The following COMMD1 variants were observed in gnomAD, a reference collection of about 807,000 sequenced individuals.
COMMD1 encodes copper metabolism domain containing 1, also known as COMM domain-containing protein 1.
In COMMD1, 10 loss-of-function variants were observed where a neutral mutation model predicts 17.2. The ratio of observed to expected loss-of-function variants is 0.58; its 90% CI spans 0.36 to 0.99. The LOEUF (loss-of-function observed/expected upper bound fraction) is 0.99, where lower values mean the gene tolerates loss of function less well. Ranked by LOEUF, COMMD1 falls within the 50% of genes least tolerant of loss-of-function variation. COMMD1 has a pLI of 0.01. For missense variants in COMMD1, 270 were observed against 231.8 expected (o/e 1.17, Z -1.07); for synonymous variants, 97 against 91.6 (o/e 1.06, Z -0.34).
chr2:62,046,006 G>A (rs1670374360), intron 2 of COMMD1, among the ~76,000 whole-genome samples: 1 of 152,102 alleles, frequency 6.6e-6, no homozygotes, highest in Non-Finnish European at 1.5e-5. Context: ...CAAAGTGCTG[G>A]GATTCCAGGC....
intron 2 of COMMD1, among the ~76,000 whole-genome samples, chr2:62,098,272 C>G (rs995428442): frequency 6.6e-6 from 1 of 151,504 alleles, no homozygotes; most frequent in Non-Finnish European, 1.5e-5. Flanking sequence ...GATTCTCCTG[C>G]CTCAGCCTCC....
At chr2:62,033,379 G>C (rs530329550) in intron 2 of COMMD1, among the ~76,000 whole-genome samples, 1 of 152,318 alleles carries the variant, frequency 6.6e-6, no homozygotes, top group Non-Finnish European at 1.5e-5. Context: ...ACAAAGGCAA[G>C]TCTGAAATAT....
At chr2:61,996,061 C>G (rs1668746734) in intron 1 of COMMD1, among the ~76,000 whole-genome samples, 1 of 152,084 alleles carries the variant, frequency 6.6e-6, no homozygotes, top group Non-Finnish European at 1.5e-5. Context: ...AGTATACATA[C>G]TTTAATTAAG....
At chr2:62,029,524 T>C (rs1009160139) in intron 2 of COMMD1, among the ~76,000 whole-genome samples, 2 of 152,252 alleles carry the variant, frequency 1.3e-5, no homozygotes, top group South Asian at 2.1e-4. Flanking sequence ...TTTTCATCTA[T>C]ATTTCTTTGC....
rs558242270 is a variant in COMMD1, at chr2:61,966,678, A to G, written c.181-34023A>G. Among the ~76,000 whole-genome samples the G allele has an allele frequency of 2.0e-5, 3 of 152,162 alleles. No individual in the cohort carries two copies. The East Asian group carries it at 5.8e-4, about 30-fold the overall frequency. ...GACTAATTACACAGACTTGTGAGAA[A>G]TGAAGTTGCCTATCTACTCCATAAC... On this transcript the variant is annotated intron_variant, in intron 1 of 2. Transcript: ENST00000311832.
intron 1 of COMMD1, among the ~76,000 whole-genome samples, chr2:61,951,476 AT>A (rs1270726404): frequency 2.0e-5 from 3 of 151,600 alleles, no homozygotes; most frequent in African/African-American, 7.3e-5. Context: ...AAAAAAAAAA[AT>A]CTTTCTGCAT....
At position 62,121,371 on chromosome 2, in the gene COMMD1, C is replaced by CAAAAAAAAAAA. The variant is rs55789110; in HGVS notation, c.463-14444_463-14434dup. On this transcript the variant is annotated intron_variant, in intron 2 of 2. Coordinates refer to ENST00000311832, the MANE Select transcript of COMMD1 (RefSeq NM_152516.4). ...GGCAACAGAGTGAGAGACTCTTTCTCAAAAAAAAAAAAAAAAAAAAAAAAA... is the reference window on the plus strand; with the variant it reads ...GGCAACAGAGTGAGAGACTCTTTCTCAAAAAAAAAAAAAAAAAAAAAAAAAAAAAAAAAAAA... 3.6e-3 allele frequency among the ~76,000 whole-genome samples: 169 copies of CAAAAAAAAAAA among 47,204 alleles called. 3 individuals are homozygous for CAAAAAAAAAAA. The highest frequency in any genetic ancestry group is 6.0e-3 in the African/African-American group (65 of 10,750). The allele number at this position is 47,204 out of a possible 152,430, so 31.0% of individuals were successfully genotyped here.
At chr2:62,061,898 T>G (rs936912283) in intron 2 of COMMD1, among the ~76,000 whole-genome samples, 1 of 151,048 alleles carries the variant, frequency 6.6e-6, no homozygotes, top group Non-Finnish European at 1.5e-5. Flanking sequence ...TAAATTTAGC[T>G]CCTTCAAAGC....
intron 1 of COMMD1, among the ~76,000 whole-genome samples, chr2:61,963,200 C>G (rs971310331): frequency 6.9e-6 from 1 of 144,272 alleles, no homozygotes; most frequent in Non-Finnish European, 1.5e-5. Flanking sequence ...TACACACACA[C>G]ACACACACAC....
intron 1 of COMMD1, among the ~76,000 whole-genome samples, chr2:61,948,981 G>A (rs1670983947): frequency 6.6e-6 from 1 of 152,178 alleles, no homozygotes; most frequent in Admixed American, 6.5e-5. Flanking sequence ...AGAAGCCATT[G>A]AAGTGCTGGG....
In COMMD1 at chr2:61,997,397, G is replaced by A. The variant is rs539546638; in HGVS notation, c.181-3304G>A. ...TTCTTAAAAAAAAAAAAGACTTTAC[G>A]GTCAAAATTACTTCTTGATCCGTGG... On this transcript the variant is annotated intron_variant, in intron 1 of 2. Transcript: ENST00000311832. Among the ~76,000 whole-genome samples the A allele has an allele frequency of 4.0e-5, 6 of 151,688 alleles. No homozygotes were observed. In the East Asian group the frequency reaches 7.7e-4, roughly 20 times the overall value.
intron 2 of COMMD1, among the ~76,000 whole-genome samples, chr2:62,135,466 T>G (rs1673168071): frequency 6.6e-6 from 1 of 152,076 alleles, no homozygotes; most frequent in African/African-American, 2.4e-5. Context: ...TTCTCCTGCC[T>G]CAGCCTCCTG....
chr2:62,090,512 TGG>T (rs1481457680), intron 2 of COMMD1, among the ~76,000 whole-genome samples: 3 of 152,248 alleles, frequency 2.0e-5, no homozygotes, highest in African/African-American at 4.8e-5. Context: ...AAGGAACGCC[TGG>T]TCCTCAATGT....
chr2:62,113,276 C>T (rs1188049079), intron 2 of COMMD1, among the ~76,000 whole-genome samples: 1 of 152,006 alleles, frequency 6.6e-6, no homozygotes, highest in Non-Finnish European at 1.5e-5. Flanking sequence ...TACTTGAGCC[C>T]AGGAGATCGA....
chr2:62,120,830 C>T (rs1672722185), intron 2 of COMMD1, among the ~76,000 whole-genome samples: 1 of 152,122 alleles, frequency 6.6e-6, no homozygotes, highest in African/African-American at 2.4e-5. Flanking sequence ...TCAAGCAGCC[C>T]TCCTGCCTCA....
chr2:61,921,604 C>T (rs1198986412), intron 1 of COMMD1, among the ~76,000 whole-genome samples: 3 of 152,152 alleles, frequency 2.0e-5, no homozygotes, highest in Non-Finnish European at 4.4e-5. Flanking sequence ...CCACCACACC[C>T]AGCTAATTTT....
In COMMD1 at chr2:61,923,347, G is replaced by A. The variant is rs1028934840; in HGVS notation, c.180+17489G>A. ...CATTCCTATATACATTAAACTATGT[G>A]CAAAGTATTGTGCTAAGTATTGAGG... On this transcript the variant is annotated intron_variant, in intron 1 of 2. Coordinates refer to ENST00000311832, the MANE Select transcript of COMMD1 (RefSeq NM_152516.4). Among the ~76,000 whole-genome samples the A allele has an allele frequency of 1.6e-4, 25 of 152,024 alleles. 1 individual carries two copies. Among genetic ancestry groups the A allele is most frequent in the Admixed American group, 1.5e-3 (23 of 15,244 alleles).
intron 1 of COMMD1, among the ~76,000 whole-genome samples, chr2:61,955,728 T>C (rs1671180681): frequency 6.6e-6 from 1 of 152,160 alleles, no homozygotes; most frequent in Non-Finnish European, 1.5e-5. Context: ...TCTTGTCACC[T>C]GGGCTGGAGT....
intron 2 of COMMD1, among the ~76,000 whole-genome samples, chr2:62,045,881 T>G (rs554945623): frequency 6.6e-6 from 1 of 151,264 alleles, no homozygotes; most frequent in East Asian, 2.0e-4. Flanking sequence ...GGATTACCAG[T>G]GACCACCACC....
Sources: allele counts gnomAD v4.1 joint callset (sites outside exome capture counted in the v4.1 genomes callset), GRCh38; gene constraint gnomAD v4.1.1; transcripts MANE v1.5; gene names NCBI Gene and HGNC (gene_info 2026-07-23, HGNC 2026-07-21).